AUTS2: variants seen among roughly 807,000 people sequenced by gnomAD.
AUTS2 encodes the protein activator of transcription and developmental regulator AUTS2.
Under a neutral mutation model 112.4 loss-of-function variants are expected in AUTS2, and 17 were observed. The ratio of observed to expected loss-of-function variants is 0.15; its 90% confidence interval spans 0.10 to 0.23. AUTS2 has a LOEUF of 0.23. AUTS2 is among the 10% of genes least tolerant of loss of function. AUTS2 has a pLI of 1.00. For synonymous variants in AUTS2, 751 were observed against 702.7 expected (o/e 1.07, Z -1.09); for missense variants, 1,510 against 1,701.6 (o/e 0.89, Z 1.98).
At chr7:70,358,983 G>A (rs946427894) in intron 4 of AUTS2, among the ~76,000 whole-genome samples, 3 of 152,198 alleles carry the variant, frequency 2.0e-5, no homozygotes, top group African/African-American at 7.2e-5. Flanking sequence ...GTCAGCTGGG[G>A]TCTTGTGCAA....
chr7:70,213,810 A>C (rs1811042325), intron 4 of AUTS2, among the ~76,000 whole-genome samples: 1 of 152,242 alleles, frequency 6.6e-6, no homozygotes, highest in Non-Finnish European at 1.5e-5. Context: ...CTGAGTTTTA[A>C]TTCTCAGGCT....
intron 5 of AUTS2, among the ~76,000 whole-genome samples, chr7:70,580,887 G>C (rs996604342): frequency 2.6e-5 from 4 of 152,148 alleles, no homozygotes; most frequent in African/African-American, 9.7e-5. Context: ...TTGTGTGCTT[G>C]TGCATTTGCC....
chr7:69,816,307 G>A (rs1397306920), intron 1 of AUTS2, among the ~76,000 whole-genome samples: 2 of 152,294 alleles, frequency 1.3e-5, no homozygotes, highest in East Asian at 1.9e-4. Flanking sequence ...CTCCCCAGAC[G>A]GAAGAATATT....
intron 13 of AUTS2, among the ~76,000 whole-genome samples, chr7:70,775,660 A>G (rs764619908): frequency 3.9e-5 from 6 of 152,070 alleles, no homozygotes; most frequent in Non-Finnish European, 8.8e-5. Context: ...AGGTTTGACT[A>G]GTTGGAACTT....
At chr7:70,650,212 A>G (rs1698870853) in intron 5 of AUTS2, among the ~76,000 whole-genome samples, 1 of 152,204 alleles carries the variant, frequency 6.6e-6, no homozygotes, top group South Asian at 2.1e-4. Context: ...GAGACCCCAT[A>G]GCAAACTTCC....
intron 4 of AUTS2, among the ~76,000 whole-genome samples, chr7:70,193,543 A>G (rs1019727766): frequency 1.3e-5 from 2 of 152,220 alleles, no homozygotes; most frequent in African/African-American, 2.4e-5. Flanking sequence ...TACATAGCTC[A>G]TGAGCAATGT....
chr7:70,136,096 A>G (rs944212087), intron 4 of AUTS2, among the ~76,000 whole-genome samples: 3 of 152,126 alleles, frequency 2.0e-5, no homozygotes, highest in Non-Finnish European at 2.9e-5. Flanking sequence ...TGCTTTTTGC[A>G]GTTATTTTTC....
At chr7:70,316,035 G>A (rs1243387869) in intron 4 of AUTS2, among the ~76,000 whole-genome samples, 2 of 152,174 alleles carry the variant, frequency 1.3e-5, no homozygotes, top group Admixed American at 6.6e-5. Context: ...AGGCAAAAAT[G>A]GTTGATGCCC....
At chr7:70,353,739 T>G (rs904139565) in intron 4 of AUTS2, among the ~76,000 whole-genome samples, 2 of 152,216 alleles carry the variant, frequency 1.3e-5, no homozygotes, top group Non-Finnish European at 2.9e-5. Flanking sequence ...AGACTCACTG[T>G]CAGGGGAGAT....
intron 2 of AUTS2, among the ~76,000 whole-genome samples, chr7:69,933,564 T>A (rs972790987): frequency 3.9e-5 from 6 of 152,246 alleles, no homozygotes; most frequent in Admixed American, 6.5e-5. Context: ...ATGTTGGTTC[T>A]GTTCGAAATA....
chr7:69,971,191 T>C (rs998278423), intron 2 of AUTS2, among the ~76,000 whole-genome samples: 9 of 151,742 alleles, frequency 5.9e-5, no homozygotes, highest in African/African-American at 1.7e-4. Flanking sequence ...AAACCATTTT[T>C]CCCCCCTAAA....
chr7:70,090,870 G>C (rs556574520), intron 2 of AUTS2, among the ~76,000 whole-genome samples: 1 of 151,982 alleles, frequency 6.6e-6, no homozygotes, highest in Non-Finnish European at 1.5e-5. Context: ...GTAGAGATGG[G>C]GTTTCACCAT....
At chr7:69,948,769 C>A (rs1385638496) in intron 2 of AUTS2, among the ~76,000 whole-genome samples, 2 of 150,162 alleles carry the variant, frequency 1.3e-5, no homozygotes, top group African/African-American at 2.5e-5. Flanking sequence ...CCAAAATTTT[C>A]TTTCATTTAT....
intron 4 of AUTS2, among the ~76,000 whole-genome samples, chr7:70,419,477 A>C (rs1393271939): frequency 6.6e-6 from 1 of 152,242 alleles, no homozygotes. Flanking sequence ...AAAAACGTGA[A>C]TATATGAAGA....
rs183623929 is a variant in AUTS2 at position 70,298,029 on chromosome 7, G to T, written c.661-137723G>T. ...AGCCTCTTTTTTTGGTTTTTTTTGG[G>T]TTTTTTTTGTTTTGTTTTTTGAGAC... On this transcript the variant is annotated intron_variant, in intron 4 of 18. Transcript: ENST00000342771. 1.3e-3 allele frequency among the ~76,000 whole-genome samples: 197 copies of T among 151,424 alleles called. 1 individual carries two copies. The highest frequency in any genetic ancestry group is 0.01 in the Middle Eastern group (3 of 294).
chr7:70,300,028 T>C (rs1208268744), intron 4 of AUTS2, among the ~76,000 whole-genome samples: 1 of 152,174 alleles, frequency 6.6e-6, no homozygotes, highest in Non-Finnish European at 1.5e-5. Context: ...GCAGGTCATT[T>C]TATAGATACA....
chr7:70,111,329 A>G (rs1805078441), intron 2 of AUTS2, among the ~76,000 whole-genome samples: 1 of 152,170 alleles, frequency 6.6e-6, no homozygotes. Flanking sequence ...AATCAAGTGA[A>G]CTATTAACAG....
chr7:70,652,642 C>T (rs1286438166), intron 5 of AUTS2, among the ~76,000 whole-genome samples: 7 of 152,104 alleles, frequency 4.6e-5, no homozygotes, highest in African/African-American at 1.4e-4. Flanking sequence ...CTCAGCTACT[C>T]GAGAGGCTGA....
intron 2 of AUTS2, among the ~76,000 whole-genome samples, chr7:69,948,829 G>A (rs1796918269): frequency 6.6e-6 from 1 of 150,628 alleles, no homozygotes; most frequent in South Asian, 2.1e-4. Flanking sequence ...TTTTGAGACA[G>A]AGTTTCACTC....
Sources: allele counts gnomAD v4.1 joint callset (sites outside exome capture counted in the v4.1 genomes callset), GRCh38; gene constraint gnomAD v4.1.1; transcripts MANE v1.5; gene names NCBI Gene and HGNC (gene_info 2026-07-23, HGNC 2026-07-21).